Variants in SLC16A12 observed in about 807,000 individuals in gnomAD.
SLC16A12 encodes the protein solute carrier family 16 member 12, also known as monocarboxylate transporter 12.
Under a neutral mutation model 42.4 loss-of-function variants are expected in SLC16A12, and 17 were observed. That is an observed-to-expected ratio of 0.40 (90% CI 0.27 to 0.60). The LOEUF is 0.60. Ranked by LOEUF, SLC16A12 falls within the 20% of genes least tolerant of loss-of-function variation. The pLI is 0.42. For missense variants in SLC16A12, 544 were observed against 623.0 expected (o/e 0.87, Z 1.35); for synonymous variants, 224 against 229.4 (o/e 0.98, Z 0.21).
At chr10:89,481,819 C>T (rs921841148) in intron 2 of SLC16A12, among the ~76,000 whole-genome samples, 2 of 151,998 alleles carry the variant, frequency 1.3e-5, no homozygotes, top group African/African-American at 2.4e-5. Flanking sequence ...TGAAAAAGTC[C>T]ACTTTAGGAC....
chr10:89,445,393 AGGCAGCAATATTTGCTGTTCT>A (rs1445822816), intron 3 of SLC16A12, among the ~76,000 whole-genome samples: 1 of 152,248 alleles, frequency 6.6e-6, no homozygotes. Flanking sequence ...AGGAAGGATC[AGGCAGCAATATTTGCTGTTCT>A]GCAATATTTG....
intron 2 of SLC16A12, among the ~76,000 whole-genome samples, chr10:89,497,532 G>A (rs933292269): frequency 6.6e-6 from 1 of 152,128 alleles, no homozygotes; most frequent in East Asian, 1.9e-4. Flanking sequence ...AAGCACAGAG[G>A]AAGAATTCTA....
At chr10:89,502,134 C>A (rs2133823297) in intron 2 of SLC16A12, among the ~76,000 whole-genome samples, 1 of 152,142 alleles carries the variant, frequency 6.6e-6, no homozygotes, top group South Asian at 2.1e-4. Context: ...GCACAATGAC[C>A]ATTTCATGCT....
At chr10:89,472,487 C>CTTTTTTT (rs71022567) in intron 2 of SLC16A12, among the ~76,000 whole-genome samples, 168 of 89,870 alleles carry the variant, frequency 1.9e-3, no homozygotes, top group Middle Eastern at 9.8e-3. Flanking sequence ...TCTTTTCTTT[C>CTTTTTTT]TTTTTTTTTT....
intron 2 of SLC16A12, among the ~76,000 whole-genome samples, chr10:89,465,926 G>A (rs1842388712): frequency 6.6e-6 from 1 of 152,192 alleles, no homozygotes; most frequent in Non-Finnish European, 1.5e-5. Context: ...ACATGAGGAA[G>A]AAACAAGCCC....
chr10:89,497,381 T>C (rs1298178123), intron 2 of SLC16A12, among the ~76,000 whole-genome samples: 1 of 152,256 alleles, frequency 6.6e-6, no homozygotes, highest in Admixed American at 6.5e-5. Flanking sequence ...TAACGTATAC[T>C]ATTTATACAA....
intron 2 of SLC16A12, among the ~76,000 whole-genome samples, chr10:89,481,069 G>A (rs1201005331): frequency 6.6e-6 from 1 of 152,104 alleles, no homozygotes; most frequent in Non-Finnish European, 1.5e-5. Context: ...TGACAGCTCT[G>A]AGGACTGTAT....
chr10:89,489,276 T>C (rs746872139), intron 2 of SLC16A12, among the ~76,000 whole-genome samples: 4 of 152,192 alleles, frequency 2.6e-5, no homozygotes, highest in South Asian at 2.1e-4. Flanking sequence ...TTCTTGGAGA[T>C]TGGCCACTGC....
At chr10:89,483,768 C>T (rs921807731) in intron 2 of SLC16A12, among the ~76,000 whole-genome samples, 3 of 130,044 alleles carry the variant, frequency 2.3e-5, no homozygotes, top group African/African-American at 3.3e-5. Context: ...AAAAAAAAAA[C>T]GGAAGAAGAA....
intron 3 of SLC16A12, among the ~76,000 whole-genome samples, chr10:89,461,675 C>T (rs1466001513): frequency 6.6e-5 from 10 of 152,178 alleles, no homozygotes; most frequent in Admixed American, 2.6e-4. Context: ...CTTTGTAAAA[C>T]TTTAATGAAT....
intron 2 of SLC16A12, among the ~76,000 whole-genome samples, chr10:89,506,430 C>T (rs762596781): frequency 2.8e-4 from 42 of 152,186 alleles, no homozygotes; most frequent in African/African-American, 8.0e-4. Flanking sequence ...ACCTGGCAAA[C>T]AAGGTCTGGA....
intron 2 of SLC16A12, among the ~76,000 whole-genome samples, chr10:89,527,182 T>TA (rs1316897948): frequency 4.6e-5 from 7 of 151,478 alleles, no homozygotes; most frequent in South Asian, 4.2e-4. Context: ...AAGAACAAAT[T>TA]AAAAAAAATA....
chr10:89,514,154 A>ACG (rs1843208299), intron 2 of SLC16A12, among the ~76,000 whole-genome samples: 1 of 152,200 alleles, frequency 6.6e-6, no homozygotes, highest in Non-Finnish European at 1.5e-5. Flanking sequence ...CTCACAAGTG[A>ACG]CGCCTTCACT....
chr10:89,459,937 G>C (rs748797745), intron 3 of SLC16A12, among the ~76,000 whole-genome samples: 1 of 152,172 alleles, frequency 6.6e-6, no homozygotes, highest in Non-Finnish European at 1.5e-5. Context: ...GTGAAACTCT[G>C]TCTCAAAATA....
chr10:89,477,026 T>C (rs994050849), intron 2 of SLC16A12, among the ~76,000 whole-genome samples: 3 of 152,216 alleles, frequency 2.0e-5, no homozygotes, highest in African/African-American at 7.2e-5. Flanking sequence ...GAATGTGGTG[T>C]ACTATTTTTT....
chr10:89,464,879 TG>T (rs1488699608), intron 2 of SLC16A12, among the ~76,000 whole-genome samples: 2 of 152,190 alleles, frequency 1.3e-5, no homozygotes, highest in African/African-American at 4.8e-5. Context: ...CCTGTGACTT[TG>T]GGGAGACTGA....
At chr10:89,522,378 T>C (rs1843371121) in intron 2 of SLC16A12, among the ~76,000 whole-genome samples, 1 of 152,206 alleles carries the variant, frequency 6.6e-6, no homozygotes, top group Non-Finnish European at 1.5e-5. Flanking sequence ...TCTTGGCTGC[T>C]AGACCTCATG....
intron 3 of SLC16A12, 88 bp downstream of exon 3, chr10:89,462,291 A>C (rs1172984597): frequency 6.4e-7 from 1 of 1,565,358 alleles, no homozygotes; most frequent in Non-Finnish European, 8.7e-7. Context: ...TATCTTCACA[A>C]TGATGGGTTC....
At chr10:89,440,061 T>G in intron 5 of SLC16A12, among the ~76,000 whole-genome samples, 1 of 97,824 alleles carries the variant, frequency 1.0e-5, no homozygotes, top group East Asian at 3.2e-4. Flanking sequence ...CCGAGCCAGA[T>G]AGACCCTGTC....
Sources: allele counts gnomAD v4.1 joint callset (sites outside exome capture counted in the v4.1 genomes callset), GRCh38; gene constraint gnomAD v4.1.1; transcripts MANE v1.5; gene names NCBI Gene and HGNC (gene_info 2026-07-23, HGNC 2026-07-21).